The following LIMK2 variants were observed in gnomAD, a reference collection of about 807,000 sequenced individuals.
LIMK2 encodes the protein LIM domain kinase 2.
LIMK2 carries 35 observed loss-of-function variants against 75.7 expected under a neutral mutation model. That is an observed-to-expected ratio of 0.46 (90% CI 0.35 to 0.61). The LOEUF is 0.61. Ranked by LOEUF, LIMK2 falls within the 20% of genes least tolerant of loss-of-function variation. LIMK2 has a pLI of 0.00. For synonymous variants in LIMK2, 301 were observed against 319.2 expected (o/e 0.94, Z 0.61); for missense variants, 623 against 831.0 (o/e 0.75, Z 3.08).
At chr22:31,239,645 T>C (rs932837598) in intron 2 of LIMK2, among the ~76,000 whole-genome samples, 1 of 152,230 alleles carries the variant, frequency 6.6e-6, no homozygotes, top group Non-Finnish European at 1.5e-5. Flanking sequence ...CGTTATTCTC[T>C]TCATACCTCA....
At chr22:31,240,578 C>T (rs2048616328) in intron 2 of LIMK2, among the ~76,000 whole-genome samples, 1 of 152,082 alleles carries the variant, frequency 6.6e-6, no homozygotes, top group Non-Finnish European at 1.5e-5. Context: ...CGCACACCCC[C>T]ACTCCTGGCT....
At chr22:31,255,163 CTT>C (rs1389229170) in intron 2 of LIMK2, among the ~76,000 whole-genome samples, 1 of 152,132 alleles carries the variant, frequency 6.6e-6, no homozygotes, top group Non-Finnish European at 1.5e-5. Context: ...TGTTTGTCCT[CTT>C]GTTTCACAGG....
chr22:31,224,932 G>A (rs1047980533), intron 1 of LIMK2, among the ~76,000 whole-genome samples: 20 of 152,230 alleles, frequency 1.3e-4, no homozygotes, highest in African/African-American at 4.3e-4. Flanking sequence ...GGAGGTGAGC[G>A]GCGGGCCAGT....
chr22:31,246,903 A>G (rs2048676683), intron 2 of LIMK2, among the ~76,000 whole-genome samples: 1 of 152,366 alleles, frequency 6.6e-6, no homozygotes, highest in South Asian at 2.1e-4. Context: ...CAATTTAAAC[A>G]TGATGGATAA....
In LIMK2 at chr22:31,251,738, G is replaced by A. The variant is rs116030411; in HGVS notation, c.117-6553G>A. Among the ~76,000 whole-genome samples the A allele has an allele frequency of 8.1e-3, 1,232 of 152,298 alleles. 20 individuals carry two copies. The highest frequency in any genetic ancestry group is 0.028 in the African/African-American group (1,177 of 41,564). On this transcript the variant is annotated intron_variant, in intron 2 of 15. Coordinates refer to ENST00000331728, the MANE Select transcript of LIMK2 (RefSeq NM_005569.4). ...ACTGTTTCAGTCTATAGGATCTGCA[G>A]GAAGGAGGAGTAATAAAGGGATTTT...
At chr22:31,246,789 C>T (rs1385280899) in intron 2 of LIMK2, among the ~76,000 whole-genome samples, 1 of 151,884 alleles carries the variant, frequency 6.6e-6, no homozygotes, top group Non-Finnish European at 1.5e-5. Context: ...AAAAAACACC[C>T]TCACCACTTA....
rs747859027 is a variant in LIMK2 at position 31,262,579 on chromosome 22, C to T, written c.658-16C>T. 1 of 1,602,460 alleles carries T rather than the reference C, an allele frequency of 6.2e-7. No homozygotes were observed. The highest frequency in any genetic ancestry group is 8.5e-7 in the Non-Finnish European group (1 of 1,172,422). ...TGGGGCAGCCTGTGGGAGCTTTATA[C>T]TGCTCTTGGCCACAGGTGGAGGATG... On this transcript the variant is annotated splice_polypyrimidine_tract_variant and intron_variant, in intron 6 of 15. Transcript: ENST00000331728. The surrounding 1 kb of genome is among the most constrained non-coding windows in gnomAD (Gnocchi z 5.0).
chr22:31,277,377 C>T lies in LIMK2; in HGVS notation c.1773-920C>T, dbSNP rs1484409796. The T allele has an allele frequency of 2.3e-6, 3 of 1,318,266 alleles. No homozygotes were observed. In the African/African-American group the frequency reaches 4.5e-5, roughly 20 times the overall value. The allele number at this position is 1,318,266 out of a possible 1,614,324, so 81.7% of individuals were successfully genotyped here. ...TTATATTGACTCTGCGGCACGGGCC[C>T]TTTAATAAAGCGAGGTAGGGTACGC... On this transcript the variant is annotated intron_variant, in intron 15 of 15. Transcript: ENST00000331728.
chr22:31,244,193 T>C (rs1031151572), intron 2 of LIMK2, among the ~76,000 whole-genome samples: 1 of 152,208 alleles, frequency 6.6e-6, no homozygotes, highest in Non-Finnish European at 1.5e-5. Flanking sequence ...CCGTCGCCGC[T>C]GGAACAGCAG....
intron 2 of LIMK2, among the ~76,000 whole-genome samples, chr22:31,246,280 C>T (rs1462665389): frequency 6.7e-6 from 1 of 150,368 alleles, no homozygotes; most frequent in Admixed American, 6.7e-5. Context: ...AGGAGGATCA[C>T]TTGAGCTTAG....
rs780050180 is a variant in LIMK2 at position 31,262,553 on chromosome 22, A to G, written c.658-42A>G. Reference sequence around the variant, plus strand: ...CTGGGTTGGCCATGGGTGGCCTGGGATGGGGCAGCCTGTGGGAGCTTTATA... The same window carrying G: ...CTGGGTTGGCCATGGGTGGCCTGGGGTGGGGCAGCCTGTGGGAGCTTTATA... On this transcript the variant is annotated intron_variant, in intron 6 of 15. Coordinates refer to ENST00000331728, the MANE Select transcript of LIMK2 (RefSeq NM_005569.4). The surrounding 1 kb of genome is among the most constrained non-coding windows in gnomAD (Gnocchi z 5.0). 2.6e-6 allele frequency: 4 copies of G among 1,568,456 alleles called. No individual in the cohort carries two copies. The highest frequency in any genetic ancestry group is 3.5e-6 in the Non-Finnish European group (4 of 1,150,576).
intron 2 of LIMK2, among the ~76,000 whole-genome samples, chr22:31,249,731 G>T (rs886555616): frequency 6.6e-6 from 1 of 152,046 alleles, no homozygotes; most frequent in African/African-American, 2.4e-5. Flanking sequence ...CTTGCTGCCG[G>T]GATACTAGTC....
chr22:31,216,201 G>A (rs1056584721), intron 1 of LIMK2, among the ~76,000 whole-genome samples: 1 of 152,226 alleles, frequency 6.6e-6, no homozygotes, highest in African/African-American at 2.4e-5. Flanking sequence ...AATACTTCTT[G>A]AAGTGGGTAA....
chr22:31,268,632 C>T (rs1362120581), intron 11 of LIMK2, among the ~76,000 whole-genome samples: 1 of 152,170 alleles, frequency 6.6e-6, no homozygotes, highest in Non-Finnish European at 1.5e-5. Flanking sequence ...ATTGAAGTGA[C>T]AGGAGCAAAG....
At position 31,239,949 on chromosome 22, in the gene LIMK2, G is replaced by A. The variant is rs188291824; in HGVS notation, c.116+14130G>A. On this transcript the variant is annotated intron_variant, in intron 2 of 15. Transcript: ENST00000331728. ...GATAAGATAAGCTCAAACTTATGTA[G>A]ACTAAGACCTCAGTCTGTAAATGTC... Among the ~76,000 whole-genome samples, 4 of 152,278 alleles carry A rather than the reference G, an allele frequency of 2.6e-5. No individual in the cohort carries two copies. In the East Asian group the frequency reaches 7.7e-4, roughly 29 times the overall value.
chr22:31,251,994 C>T (rs1295748023), intron 2 of LIMK2, among the ~76,000 whole-genome samples: 1 of 152,166 alleles, frequency 6.6e-6, no homozygotes, highest in Non-Finnish European at 1.5e-5. Context: ...GACCATCCAG[C>T]CAGGCCTTCC....
At chr22:31,235,102 T>A (rs1045532085) in intron 2 of LIMK2, among the ~76,000 whole-genome samples, 2 of 152,200 alleles carry the variant, frequency 1.3e-5, no homozygotes, top group African/African-American at 2.4e-5. Context: ...AATGATATCT[T>A]AAGACCTCTA....
At chr22:31,230,820 G>C (rs956580926) in intron 2 of LIMK2, among the ~76,000 whole-genome samples, 2 of 152,116 alleles carry the variant, frequency 1.3e-5, no homozygotes, top group Non-Finnish European at 2.9e-5. Context: ...GGTACTTTCT[G>C]TGATGCTGAA....
At chr22:31,235,560 G>A (rs1197546890) in intron 2 of LIMK2, among the ~76,000 whole-genome samples, 1 of 152,180 alleles carries the variant, frequency 6.6e-6, no homozygotes, top group Non-Finnish European at 1.5e-5. Flanking sequence ...GGCAAGAGAG[G>A]AAGAATGAGT....
Sources: allele counts gnomAD v4.1 joint callset (sites outside exome capture counted in the v4.1 genomes callset), GRCh38; gene constraint gnomAD v4.1.1; non-coding constraint Gnocchi (gnomAD v3.1); transcripts MANE v1.5; gene names NCBI Gene and HGNC (gene_info 2026-07-23, HGNC 2026-07-21).